HSP90AB1: variants seen among roughly 807,000 people sequenced by gnomAD.
The protein encoded by HSP90AB1 is heat shock protein 90 alpha family class B member 1, also known as heat shock protein HSP 90-beta.
In HSP90AB1, 17 loss-of-function variants were observed where a neutral mutation model predicts 67.8. The observed-to-expected ratio is 0.25, with a 90% CI of 0.17 to 0.38. The LOEUF is 0.38. HSP90AB1 is among the 10% of genes least tolerant of loss of function. The pLI is 1.00. For missense variants in HSP90AB1, 690 were observed against 899.9 expected (o/e 0.77, Z 2.98); for synonymous variants, 390 against 312.9 (o/e 1.25, Z -2.60).
In HSP90AB1 at chr6:44,249,828, G is replaced by T; in HGVS notation, c.508G>T (p.Asp170Tyr). ...TGGAGGTTCCTTCACTGTGCGTGCT[G>T]ACCATGGTAAGTTAGCTTTTCTGTT... is the stretch of plus-strand genomic sequence containing the variant. The part of the protein sequence containing the change: ...SAGGSFTVRA[D>Y]HGEPIGRGTK... Residue 170 changes from aspartate (D) to tyrosine (Y), a missense_variant, in exon 4 of 12, where the codon GAC (aspartate) becomes TAC (tyrosine). Around this residue, in one of 7 missense-constraint regions of HSP90AB1, gnomAD observed 146 missense variants for 143.7 expected, o/e 1.02. Coordinates refer to ENST00000371646, the MANE Select transcript of HSP90AB1 (RefSeq NM_007355.4). 6.2e-7 allele frequency: 1 copy of T among 1,605,812 alleles called. No individual in the cohort carries two copies. The highest frequency in any genetic ancestry group is 1.1e-5 in the South Asian group (1 of 90,130).
intron 9 of HSP90AB1, 44 bp downstream of exon 9, chr6:44,251,928 A>G (rs763409973): frequency 1.9e-6 from 3 of 1,613,226 alleles, no homozygotes; most frequent in Non-Finnish European, 2.5e-6. Context: ...AGTGGGGAGC[A>G]CAATTAGGGC....
At chr6:44,248,588 G>A (rs768440752) in intron 1 of HSP90AB1, 42 bp from the exon 2 acceptor site, 1 of 1,578,672 alleles carries the variant, frequency 6.3e-7, no homozygotes, top group South Asian at 1.1e-5. Flanking sequence ...TTAAACATGG[G>A]GCCTTAGTGT....
rs547764265 is a variant in HSP90AB1 at position 44,248,120 on chromosome 6, A to G, written c.1-510A>G. On this transcript the variant is annotated intron_variant, in intron 1 of 11. Transcript: ENST00000371646. The stretch of plus-strand genomic sequence containing the variant: ...ATCCCAGGTTATTCCTCCCTGCCCT[A>G]TGGGGCAGGAGTGTCCCGCCCTTGG... The G allele has an allele frequency of 1.2e-4, 19 of 152,908 alleles. No individual in the cohort carries two copies. In the South Asian group the frequency reaches 3.3e-3, roughly 26 times the overall value. 9.5% of individuals were successfully genotyped at this position (152,908 alleles called of 1,614,324 possible).
chr6:44,246,521 C>G (rs1195934074), upstream of HSP90AB1, among the ~76,000 whole-genome samples: 1 of 152,194 alleles, frequency 6.6e-6, no homozygotes, highest in Non-Finnish European at 1.5e-5. Context: ...CCCCGCCAGC[C>G]CCGGCCGGCG....
intron 4 of HSP90AB1, 74 bp downstream of exon 4, chr6:44,249,908 G>C: frequency 6.3e-7 from 1 of 1,584,102 alleles, no homozygotes; most frequent in Non-Finnish European, 8.6e-7. Context: ...GAAATTTTGG[G>C]CATCCTGTCT....
upstream of HSP90AB1, among the ~76,000 whole-genome samples, chr6:44,246,924 G>C (rs967665033): frequency 6.6e-6 from 1 of 152,196 alleles, no homozygotes; most frequent in Non-Finnish European, 1.5e-5. Context: ...TGTGTGGGCG[G>C]ATCCGTTGCT....
In HSP90AB1 at chr6:44,248,859, T is replaced by C. The variant is rs1388436522; in HGVS notation, c.147+83T>C. ...GGGGAAAGGAGTGGTTTGGCCTTTG[T>C]TGGGGACTACTATTGAAGGGGGTAA... On this transcript the variant is annotated intron_variant, in intron 2 of 11. Transcript: ENST00000371646. 7.1e-6 allele frequency: 9 copies of C among 1,271,538 alleles called. No individual in the cohort carries two copies. The East Asian group carries it at 1.4e-4, about 20-fold the overall frequency. The allele number at this position is 1,271,538 out of a possible 1,614,324, so 78.8% of individuals were successfully genotyped here.
chr6:44,248,593 T>C lies in HSP90AB1; in HGVS notation c.1-37T>C, dbSNP rs761575428. 14 of 1,587,938 alleles carry C rather than the reference T, an allele frequency of 8.8e-6. No individual in the cohort carries two copies. In the African/African-American group the frequency reaches 1.8e-4, roughly 20 times the overall value. ...TTTAGGATTTTTAAACATGGGGCCT[T>C]AGTGTTCTTTTGTAATTAATGAGAT... is the stretch of plus-strand genomic sequence containing the variant. On this transcript the variant is annotated intron_variant, in intron 1 of 11. Transcript: ENST00000371646.
intron 6 of HSP90AB1, 47 bp downstream of exon 6, chr6:44,250,646 G>A (rs762257364): frequency 1.9e-6 from 2 of 1,053,226 alleles, no homozygotes; most frequent in Admixed American, 3.8e-5. Flanking sequence ...ATATGGAGAG[G>A]AATGAGTTAG....
In HSP90AB1 at chr6:44,251,116, C is replaced by T. The variant is rs1410904300; in HGVS notation, c.1026C>T (p.Asp342=). The T allele has an allele frequency of 2.5e-6, 4 of 1,613,956 alleles. No homozygotes were observed. The highest frequency in any genetic ancestry group is 3.4e-6 in the Non-Finnish European group (4 of 1,179,966). Residue 342 remains aspartate, a synonymous_variant, in exon 7 of 12, where the codon GAC becomes GAT. Transcript: ENST00000371646. ...LLFIPRRAPF[D]LFENKKKKNN... is the part of the protein sequence containing the mutation. The stretch of plus-strand genomic sequence containing the variant: ...TTATTCCTCGTCGGGCTCCCTTTGA[C>T]CTTTTTGAGAACAAGAAGAAAAAGA...
Position 44,249,716 on chromosome 6 carries a change from C to A in HSP90AB1, c.396C>A (p.Gly132=). Residue 132 remains glycine, a synonymous_variant, in exon 4 of 12, where the codon GGC becomes GGA. Coordinates refer to ENST00000371646, the MANE Select transcript of HSP90AB1 (RefSeq NM_007355.4). The part of the protein sequence containing the change: ...DISMIGQFGV[G]FYSAYLVAEK... ...CCATGATTGGGCAGTTTGGTGTTGG[C>A]TTTTATTCTGCCTACTTGGTGGCAG... The A allele has an allele frequency of 6.2e-7, 1 of 1,614,024 alleles. No individual in the cohort carries two copies.
intron 10 of HSP90AB1, 117 bp downstream of exon 10, chr6:44,252,384 T>C: frequency 1.1e-6 from 1 of 904,760 alleles, no homozygotes; most frequent in South Asian, 1.6e-5. Context: ...TCATGCCTTC[T>C]TGCCTCTTGT....
At chr6:44,252,332 G>A (rs1780743775) in intron 10 of HSP90AB1, 65 bp downstream of exon 10, 1 of 1,480,036 alleles carries the variant, frequency 6.8e-7, no homozygotes, top group Non-Finnish European at 9.3e-7. Flanking sequence ...TCACAAGCAT[G>A]TTTCTATACA....
At position 44,252,120 on chromosome 6, in the gene HSP90AB1, T is replaced by C; in HGVS notation, c.1584T>C (p.Phe528=). ...ACTGTGTGCAGCAGCTCAAGGAATT[T>C]GATGGGAAGAGCCTGGTCTCAGTTA... The part of the protein sequence containing the change: ...DEYCVQQLKE[F]DGKSLVSVTK... Residue 528 remains phenylalanine (F), a synonymous_variant, in exon 10 of 12, where the codon TTT becomes TTC. Coordinates refer to ENST00000371646, the MANE Select transcript of HSP90AB1 (RefSeq NM_007355.4). The C allele has an allele frequency of 1.9e-6, 3 of 1,614,066 alleles. No homozygotes were observed. The East Asian group carries it at 6.7e-5, about 36-fold the overall frequency.
At chr6:44,252,983 C>T (rs545930713) in intron 10 of HSP90AB1, 62 bp from the exon 11 acceptor site, 2 of 1,375,716 alleles carry the variant, frequency 1.5e-6, no homozygotes, top group East Asian at 2.3e-5. Context: ...TTAGGCTTGA[C>T]AATGCCTGTT....
intron 1 of HSP90AB1, among the ~76,000 whole-genome samples, chr6:44,247,406 C>T (rs1176092652): frequency 6.6e-6 from 1 of 152,046 alleles, no homozygotes; most frequent in African/African-American, 2.4e-5. Context: ...GGGGCTTTCT[C>T]TCGGCGCCTG....
intron 9 of HSP90AB1, 26 bp from the exon 10 acceptor site, chr6:44,251,972 CA>C (rs1780696008): frequency 2.2e-5 from 36 of 1,613,696 alleles, no homozygotes; most frequent in Non-Finnish European, 2.7e-5. Flanking sequence ...GCATTTTAGT[CA>C]CTGAGTTCAT....
chr6:44,248,050 ATTC>A (rs1402277745), intron 1 of HSP90AB1: 1 of 152,172 alleles, frequency 6.6e-6, no homozygotes, highest in Non-Finnish European at 1.5e-5. Context: ...TGGCTTAAGA[ATTC>A]TTTGTCCGGA....
In HSP90AB1 at chr6:44,253,477, A is replaced by AT. The variant is rs771929515; in HGVS notation, c.2066-8dup. The AT allele has an allele frequency of 1.5e-5, 24 of 1,612,232 alleles. No individual in the cohort carries two copies. The highest frequency in any genetic ancestry group is 4.4e-5 in the South Asian group (4 of 91,032). On this transcript the variant is annotated splice_polypyrimidine_tract_variant and intron_variant, in intron 11 of 11. Transcript: ENST00000371646. ...ATTTGGTCAAGTCTCACATGGCTTA[A>AT]TTTTACTTCAGGTATTGATGAAGAT...
Sources: gnomAD v4.1 joint callset for allele counts (sites outside exome capture counted in the v4.1 genomes callset) on GRCh38, gnomAD v4.1.1 for gene constraint, gnomAD v4.1.1 regional missense constraint, MANE v1.5 for transcripts, NCBI Gene and HGNC (gene_info 2026-07-23, HGNC 2026-07-21) for gene names.